The following RBM38 variants were observed in gnomAD, a reference collection of about 807,000 sequenced individuals.
RBM38 encodes RNA binding motif protein 38.
A neutral mutation model predicts 23.5 loss-of-function variants in RBM38; 11 were observed. The ratio of observed to expected loss-of-function variants is 0.47; its 90% CI spans 0.29 to 0.77. The LOEUF is 0.77. Among genes scored for constraint, RBM38 ranks in the 30% least tolerant of loss-of-function variants. The pLI is 0.08. For synonymous variants in RBM38, 165 were observed against 166.1 expected (o/e 0.99, Z 0.05); for missense variants, 330 against 351.9 (o/e 0.94, Z 0.50).
chr20:57,392,707 C>T lies in RBM38; in HGVS notation c.291C>T (p.Pro97=). The change falls in exon 2 of 4, where the codon CCC becomes CCT. Residue 97 remains proline (P), a synonymous_variant. Coordinates refer to ENST00000356208, the MANE Select transcript of RBM38 (RefSeq NM_017495.6). ...AAERACKDPN[P]IIDGRKANVN... ...AGAGGGCTTGCAAAGACCCGAACCCCATCATCGACGGCCGCAAGGCCAACG... is the reference window on the plus strand; with the variant it reads ...AGAGGGCTTGCAAAGACCCGAACCCTATCATCGACGGCCGCAAGGCCAACG... 6.2e-7 allele frequency: 1 copy of T among 1,612,912 alleles called. No individual in the cohort carries two copies. Among genetic ancestry groups the T allele is most frequent in the South Asian group, 1.1e-5 (1 of 91,092 alleles).
At chr20:57,397,176 A>T (rs2067282806) in intron 3 of RBM38, among the ~76,000 whole-genome samples, 1 of 152,148 alleles carries the variant, frequency 6.6e-6, no homozygotes. Context: ...GGCCAACTTG[A>T]CTGTGTGTGG....
rs546054717 is a variant in RBM38, at chr20:57,409,205, G to C, written c.*1359G>C. On this transcript the variant is annotated 3_prime_UTR_variant, in exon 4 of 4. Transcript: ENST00000356208. ...CCGGACCTACCTCAGGGAGCTGAGC[G>C]TGCAGGCGCTCCAGGGCAGGCCTGG... 1 of 152,692 alleles carries C rather than the reference G, an allele frequency of 6.5e-6. No homozygotes were observed. The highest frequency in any genetic ancestry group is 1.5e-5 in the Non-Finnish European group (1 of 68,088). The allele number at this position is 152,692 out of a possible 1,614,324, so 9.5% of individuals were successfully genotyped here. A position where few individuals can be genotyped will look rare whatever the true frequency, so the allele number is the denominator to read the frequency against.
Position 57,393,474 on chromosome 20 carries a change from G to C in RBM38, c.416+141G>C, listed in dbSNP as rs139495052. ...GTTTAAGCCAAGGGAGTGAAGAGAA[G>C]GCAGATTGCACTTCTCCATCCCTGG... On this transcript the variant is annotated intron_variant, in intron 3 of 3. Transcript: ENST00000356208. 65 of 953,484 alleles carry C rather than the reference G, an allele frequency of 6.8e-5. No individual in the cohort carries two copies. In the African/African-American group the frequency reaches 7.7e-4, roughly 11 times the overall value. 59.1% of individuals were successfully genotyped at this position (953,484 alleles called of 1,614,324 possible).
chr20:57,394,973 G>T (rs2067259629), intron 3 of RBM38, among the ~76,000 whole-genome samples: 1 of 152,208 alleles, frequency 6.6e-6, no homozygotes, highest in Non-Finnish European at 1.5e-5. Context: ...TGGCCTCTGG[G>T]GCCTGCAGAG....
chr20:57,406,074 C>T (rs562319594), intron 3 of RBM38, among the ~76,000 whole-genome samples: 3 of 152,336 alleles, frequency 2.0e-5, no homozygotes, highest in East Asian at 1.9e-4. Context: ...AACACGCAGG[C>T]GTGCAAGGCA....
rs190379395 is a variant in RBM38 at position 57,400,193 on chromosome 20, A to G, written c.416+6860A>G. Among the ~76,000 whole-genome samples the G allele has an allele frequency of 3.4e-4, 52 of 152,298 alleles. No homozygotes were observed. The East Asian group carries it at 8.9e-3, about 26-fold the overall frequency. ...GATGGTCCATGCGACTTGGACAGGCATGGCCAGGATCCGGGCTTGGGGCTC... is the reference window on the plus strand; with the variant it reads ...GATGGTCCATGCGACTTGGACAGGCGTGGCCAGGATCCGGGCTTGGGGCTC... On this transcript the variant is annotated intron_variant, in intron 3 of 3. Coordinates refer to ENST00000356208, the MANE Select transcript of RBM38 (RefSeq NM_017495.6).
intron 2 of RBM38, 188 bp downstream of exon 2, chr20:57,392,965 C>A: frequency 1.2e-6 from 1 of 831,868 alleles, no homozygotes. Flanking sequence ...GCGTGTGGCC[C>A]AAAGAAGGGG....
At chr20:57,400,500 G>A (rs1171253625) in intron 3 of RBM38, among the ~76,000 whole-genome samples, 1 of 152,148 alleles carries the variant, frequency 6.6e-6, no homozygotes, top group Non-Finnish European at 1.5e-5. Flanking sequence ...CGTGATTTGG[G>A]GGTTTGGTGT....
At chr20:57,401,848 A>G (rs2067331371) in intron 3 of RBM38, among the ~76,000 whole-genome samples, 1 of 152,182 alleles carries the variant, frequency 6.6e-6, no homozygotes, top group Non-Finnish European at 1.5e-5. Flanking sequence ...TTGAGGCCTA[A>G]TAACGCAGGA....
In RBM38 at chr20:57,409,231, G is replaced by A. The variant is rs946793223; in HGVS notation, c.*1385G>A. The A allele has an allele frequency of 5.2e-5, 8 of 152,636 alleles. No individual in the cohort carries two copies. Among genetic ancestry groups the A allele is most frequent in the African/African-American group, 9.7e-5 (4 of 41,438 alleles). The allele number at this position is 152,636 out of a possible 1,614,324, so 9.5% of individuals were successfully genotyped here. A position where few individuals can be genotyped will look rare whatever the true frequency, so the allele number is the denominator to read the frequency against. ...TGCAGGCGCTCCAGGGCAGGCCTGGGACAGAGTCAAGGCTCAGAGAATAAA... is the reference window on the plus strand; with the variant it reads ...TGCAGGCGCTCCAGGGCAGGCCTGGAACAGAGTCAAGGCTCAGAGAATAAA... On this transcript the variant is annotated 3_prime_UTR_variant, in exon 4 of 4. Coordinates refer to ENST00000356208, the MANE Select transcript of RBM38 (RefSeq NM_017495.6).
At chr20:57,398,634 G>C (rs375082824) in intron 3 of RBM38, among the ~76,000 whole-genome samples, 1 of 152,268 alleles carries the variant, frequency 6.6e-6, no homozygotes, top group Non-Finnish European at 1.5e-5. Context: ...GCGGGCGCCC[G>C]TGCCGCACCT....
intron 1 of RBM38, among the ~76,000 whole-genome samples, chr20:57,392,024 A>ACCCCCC (rs1600741320): frequency 3.8e-4 from 4 of 10,540 alleles, no homozygotes; most frequent in African/African-American, 1.1e-3. Context: ...CCCCACCCCC[A>ACCCCCC]CCCCCACCCC....
At chr20:57,403,250 T>G (rs1406478568) in intron 3 of RBM38, among the ~76,000 whole-genome samples, 1 of 152,190 alleles carries the variant, frequency 6.6e-6, no homozygotes, top group Admixed American at 6.5e-5. Flanking sequence ...GGACCCAACT[T>G]ACAGATGAGG....
At chr20:57,406,304 G>T (rs3764722) in intron 3 of RBM38, among the ~76,000 whole-genome samples, 4,109 of 152,250 alleles carry the variant, frequency 0.027, 188 homozygotes, top group African/African-American at 0.093. Flanking sequence ...TGTGCTGAGG[G>T]CTGGGCATGC....
At chr20:57,401,368 G>A (rs1408341879) in intron 3 of RBM38, among the ~76,000 whole-genome samples, 1 of 152,218 alleles carries the variant, frequency 6.6e-6, no homozygotes, top group East Asian at 1.9e-4. Flanking sequence ...GTGACTTGCT[G>A]GGTGGAGCCG....
Position 57,405,641 on chromosome 20 carries a change from G to A in RBM38, c.417-1902G>A, listed in dbSNP as rs147455044. Among the ~76,000 whole-genome samples the A allele has an allele frequency of 3.3e-3, 500 of 152,328 alleles. 2 individuals are homozygous for A. Among genetic ancestry groups the A allele is most frequent in the African/African-American group, 0.01 (425 of 41,556 alleles). On this transcript the variant is annotated intron_variant, in intron 3 of 3. Transcript: ENST00000356208. ...GGTGGGGGGAGCAAGAGGCCCTGTC[G>A]TCCAGGTTTTCCTGGTTTCCACCGT...
chr20:57,406,010 G>C (rs1161275295), intron 3 of RBM38, among the ~76,000 whole-genome samples: 2 of 152,234 alleles, frequency 1.3e-5, no homozygotes, highest in African/African-American at 4.8e-5. Flanking sequence ...CCTGCCTACA[G>C]GTCAGAAGGA....
rs552597448 is a variant in RBM38 at position 57,402,663 on chromosome 20, G to A, written c.417-4880G>A. 2.0e-5 allele frequency among the ~76,000 whole-genome samples: 3 copies of A among 152,378 alleles called. No homozygotes were observed. The East Asian group carries it at 5.8e-4, about 29-fold the overall frequency. On this transcript the variant is annotated intron_variant, in intron 3 of 3. Coordinates refer to ENST00000356208, the MANE Select transcript of RBM38 (RefSeq NM_017495.6). The stretch of plus-strand genomic sequence containing the variant: ...TGTGAGTGGGGATGCTGAGGAACCT[G>A]CCTGGTGCGTGCACCCGCTCCCCAT...
intron 1 of RBM38, among the ~76,000 whole-genome samples, chr20:57,392,024 ACCCCCACCCCCACCC>A (rs1568804258): frequency 5.7e-4 from 6 of 10,532 alleles, no homozygotes; most frequent in Non-Finnish European, 8.5e-4. Context: ...CCCCACCCCC[ACCCCCACCCCCACCC>A]CCACCCCCGG....
Sources: gnomAD v4.1 joint callset for allele counts (sites outside exome capture counted in the v4.1 genomes callset) on GRCh38, gnomAD v4.1.1 for gene constraint, MANE v1.5 for transcripts, NCBI Gene and HGNC (gene_info 2026-07-23, HGNC 2026-07-21) for gene names.